Variants in IQCE observed in about 807,000 individuals in gnomAD.
The protein encoded by IQCE is IQ motif containing E, also known as IQ domain-containing protein E.
A neutral mutation model predicts 96.0 loss-of-function variants in IQCE; 115 were observed. The observed-to-expected ratio is 1.20, with a 90% CI of 1.03 to 1.40. The LOEUF is 1.40. Ranked by LOEUF, IQCE falls within the 40% of genes most tolerant of loss-of-function variation. IQCE has a pLI of 0.00. For synonymous variants in IQCE, 412 were observed against 371.2 expected, an observed-to-expected ratio of 1.11 and a Z score of -1.26; for missense variants, 1,041 against 909.1, an observed-to-expected ratio of 1.15 and a Z score of -1.87.
chr7:2,613,236 C>G lies in IQCE; in HGVS notation c.*3074C>G, dbSNP rs1012454828. ...TGAGCTGACACTGCTGAGGCTGAAG[C>G]TGGCCCCGTGCAGGTGGCTGGTGAG... On this transcript the variant is annotated 3_prime_UTR_variant, in exon 22 of 22. Coordinates refer to ENST00000402050, the MANE Select transcript of IQCE (RefSeq NM_152558.5). 6.6e-6 allele frequency: 1 copy of G among 152,390 alleles called. No individual in the cohort carries two copies. Among genetic ancestry groups the G allele is most frequent in the South Asian group, 2.1e-4 (1 of 4,836 alleles). The allele number at this position is 152,390 out of a possible 1,614,324, so 9.4% of individuals were successfully genotyped here. A position where few individuals can be genotyped will look rare whatever the true frequency, so the allele number is the denominator to read the frequency against.
At chr7:2,581,796 G>A (rs368711293) in intron 8 of IQCE, among the ~76,000 whole-genome samples, 106 of 148,806 alleles carry the variant, frequency 7.1e-4, no homozygotes, top group Non-Finnish European at 1.3e-3. Flanking sequence ...TGCAAGCTCC[G>A]CTTCCCGGGT....
At chr7:2,598,003 T>C (rs1784175751) in intron 16 of IQCE, 1 of 152,796 alleles carries the variant, frequency 6.5e-6, no homozygotes, top group Non-Finnish European at 1.5e-5. Context: ...GTTATAGCAA[T>C]CCTGGCTTGT....
intron 2 of IQCE, among the ~76,000 whole-genome samples, chr7:2,567,755 C>T (rs1012209590): frequency 6.6e-6 from 1 of 152,254 alleles, no homozygotes; most frequent in Non-Finnish European, 1.5e-5. Context: ...CTGCAGCCAG[C>T]AGAACGAACC....
rs778460350 is a variant in IQCE at position 2,598,639 on chromosome 7, C to T, written c.1608+7C>T. 1.1e-5 allele frequency: 17 copies of T among 1,522,966 alleles called. No individual in the cohort carries two copies. In the African/African-American group the frequency reaches 2.1e-4, roughly 19 times the overall value. The allele number at this position is 1,522,966 out of a possible 1,614,324, so 94.3% of individuals were successfully genotyped here. A position where few individuals can be genotyped will look rare whatever the true frequency, so the allele number is the denominator to read the frequency against. ...GAAGGTGTACAAGCACAAGGTGAGGCTCCCCGGGGCGACCCGGGCTGCTCC... is the reference window on the plus strand; with the variant it reads ...GAAGGTGTACAAGCACAAGGTGAGGTTCCCCGGGGCGACCCGGGCTGCTCC... On this transcript the variant is annotated splice_region_variant and intron_variant, in intron 17 of 21. Transcript: ENST00000402050.
At position 2,593,109 on chromosome 7, in the gene IQCE, G is replaced by A; in HGVS notation, c.1332G>A (p.Glu444=). Residue 444 remains glutamate (E), a synonymous_variant, in exon 15 of 22, where the codon GAG becomes GAA. Transcript: ENST00000402050. ...GGGAGGGCGAGGAGGAGAGGAGAGA[G>A]CGAGAGGAGGTTTTGAGGTATGTGA... ...CAREGEEERR[E]REEVLREEIQ... is the part of the protein sequence containing the mutation. 2 of 1,611,878 alleles carry A rather than the reference G, an allele frequency of 1.2e-6. No homozygotes were observed. The highest frequency in any genetic ancestry group is 1.7e-6 in the Non-Finnish European group (2 of 1,178,292).
intron 5 of IQCE, 94 bp downstream of exon 5, chr7:2,572,420 T>A: frequency 7.3e-7 from 1 of 1,373,568 alleles, no homozygotes; most frequent in Non-Finnish European, 9.8e-7. Flanking sequence ...CAGAGCAGGA[T>A]TTCTGGCTTC....
intron 11 of IQCE, among the ~76,000 whole-genome samples, chr7:2,585,228 G>A (rs11761630): frequency 0.11 from 17,213 of 152,074 alleles, 1,374 homozygotes; most frequent in Non-Finnish European, 0.16. Context: ...AGTAGAGATG[G>A]GGTTTTACTA....
chr7:2,598,665 C>T, intron 17 of IQCE, 33 bp downstream of exon 17: 1 of 1,459,724 alleles, frequency 6.9e-7, no homozygotes, highest in Non-Finnish European at 9.1e-7. Context: ...GGGCTGCTCC[C>T]TGTGAGTCTT....
chr7:2,586,098 T>C (rs1013648073), intron 11 of IQCE, 110 bp from the exon 12 acceptor site: 57 of 1,044,466 alleles, frequency 5.5e-5, no homozygotes, highest in Middle Eastern at 2.1e-4. Context: ...CAAAAACCAC[T>C]CTGAGCTCAC....
At chr7:2,571,312 C>T in intron 3 of IQCE, 1 of 546,016 alleles carries the variant, frequency 1.8e-6, no homozygotes, top group Non-Finnish European at 3.2e-6. Flanking sequence ...AGCCACCATG[C>T]CTGGCCTCAT....
At chr7:2,589,782 T>G (rs1273785458) in intron 13 of IQCE, 125 bp from the exon 14 acceptor site, 1 of 892,254 alleles carries the variant, frequency 1.1e-6, no homozygotes, top group Non-Finnish European at 1.8e-6. Flanking sequence ...TCGGGTCCCC[T>G]CAAAGCTTTC....
At chr7:2,602,893 G>T in intron 18 of IQCE, among the ~76,000 whole-genome samples, 1 of 152,172 alleles carries the variant, frequency 6.6e-6, no homozygotes, top group East Asian at 1.9e-4. Flanking sequence ...CCATCTGATG[G>T]CCAGGCCACA....
At chr7:2,579,114 C>T (rs1195109973) in intron 8 of IQCE, among the ~76,000 whole-genome samples, 1 of 151,240 alleles carries the variant, frequency 6.6e-6, no homozygotes, top group Admixed American at 6.6e-5. Flanking sequence ...TCAGATAGAT[C>T]CAGACCCCCC....
intron 8 of IQCE, among the ~76,000 whole-genome samples, chr7:2,579,850 T>C (rs2917737): frequency 0.78 from 118,090 of 151,186 alleles, 46,530 homozygotes; most frequent in African/African-American, 0.88. Context: ...ATCCCTGGCT[T>C]AGGGGATACT....
chr7:2,586,501 T>C, intron 12 of IQCE, 130 bp downstream of exon 12: 1 of 994,124 alleles, frequency 1.0e-6, no homozygotes, highest in Non-Finnish European at 1.5e-6. Context: ...GCAACGCCAG[T>C]TCCCACATGT....
chr7:2,593,272 C>T, intron 15 of IQCE, 146 bp downstream of exon 15: 1 of 1,335,388 alleles, frequency 7.5e-7, no homozygotes, highest in African/African-American at 1.5e-5. Flanking sequence ...GGTTTTCTGT[C>T]ACCCAGCCCG....
chr7:2,567,035 G>C, intron 1 of IQCE, 81 bp from the exon 2 acceptor site: 1 of 1,157,634 alleles, frequency 8.6e-7, no homozygotes, highest in Non-Finnish European at 1.3e-6. Context: ...CTGTGGACGG[G>C]CTGTTTTCGC....
chr7:2,561,549 T>C (rs1373915524), intron 1 of IQCE, among the ~76,000 whole-genome samples: 1 of 151,634 alleles, frequency 6.6e-6, no homozygotes, highest in Non-Finnish European at 1.5e-5. Context: ...GCCTCCCGAG[T>C]AGCTGAGACT....
At chr7:2,573,730 A>G (rs1781924514) in intron 6 of IQCE, among the ~76,000 whole-genome samples, 1 of 152,198 alleles carries the variant, frequency 6.6e-6, no homozygotes, top group African/African-American at 2.4e-5. Flanking sequence ...CTTCTCCAGC[A>G]CGATGGAGAA....
Sources: gnomAD v4.1 joint callset for allele counts (sites outside exome capture counted in the v4.1 genomes callset) on GRCh38, gnomAD v4.1.1 for gene constraint, MANE v1.5 for transcripts, NCBI Gene and HGNC (gene_info 2026-07-23, HGNC 2026-07-21) for gene names.